FMNL3: variants seen among roughly 807,000 people sequenced by gnomAD.
FMNL3 encodes the protein formin-like protein 3.
A neutral mutation model predicts 119.6 loss-of-function variants in FMNL3; 57 were observed. The ratio of observed to expected loss-of-function variants is 0.48; its 90% CI spans 0.39 to 0.59. The LOEUF (loss-of-function observed/expected upper bound fraction) is 0.59, where lower values mean the gene tolerates loss of function less well. FMNL3 is among the 20% of genes least tolerant of loss of function. FMNL3 has a pLI of 0.00. For synonymous variants in FMNL3, 491 were observed against 507.3 expected, an observed-to-expected ratio of 0.97 and a Z score of 0.43; for missense variants, 1,053 against 1,323.5, an observed-to-expected ratio of 0.80 and a Z score of 3.17.
At chr12:49,700,638 C>A (rs1018075865) in intron 1 of FMNL3, among the ~76,000 whole-genome samples, 1 of 148,856 alleles carries the variant, frequency 6.7e-6, no homozygotes, top group Non-Finnish European at 1.5e-5. Flanking sequence ...TTGCTTGAAC[C>A]CAGGAAGCAG....
chr12:49,685,172 G>C (rs999510471), intron 1 of FMNL3, among the ~76,000 whole-genome samples: 1 of 152,188 alleles, frequency 6.6e-6, no homozygotes, highest in African/African-American at 2.4e-5. Context: ...TTTACCCTTG[G>C]TAAACGCCCC....
Position 49,649,158 on chromosome 12 carries a change from G to C in FMNL3, c.2386C>G (p.Leu796Val). The C allele has an allele frequency of 1.2e-6, 2 of 1,612,642 alleles. No individual in the cohort carries two copies. Among genetic ancestry groups the C allele is most frequent in the Non-Finnish European group, 1.7e-6 (2 of 1,179,240 alleles). ...YGFKLQSLDL[L>V]LDTKSTDRKM... ...CGGTCAGTGGACTTGGTATCCAGCA[G>C]CTAGGAGAGGGGGTGAGGGCGGTGC... Residue 796 changes from leucine (L) to valine (V), a missense_variant and splice_region_variant, in exon 21 of 26, where the codon CTG becomes GTG. Physicochemically the swap from Leu to Val is conservative, Grantham distance 32 (BLOSUM62 1). Transcript: ENST00000335154. This position sits in a 1 kb window ranked among gnomAD's most constrained non-coding sequence, Gnocchi z 5.6.
chr12:49,701,905 A>G (rs905229073), intron 1 of FMNL3, among the ~76,000 whole-genome samples: 2 of 152,222 alleles, frequency 1.3e-5, no homozygotes, highest in Non-Finnish European at 2.9e-5. Flanking sequence ...CCTGGGTGAC[A>G]GAGTAAGACT....
At position 49,638,166 on chromosome 12, in the gene FMNL3, G is replaced by C. The variant is rs752410278; in HGVS notation, c.*7649C>G. On this transcript the variant is annotated 3_prime_UTR_variant, in exon 26 of 26. Transcript: ENST00000335154. ...ACGGGGTACTAAGAGCAAAGGCAAG[G>C]GGGTGGAAAGGGCATGCCAGGTCTG... 8 of 231,182 alleles carry C rather than the reference G, an allele frequency of 3.5e-5. No individual in the cohort carries two copies. Among genetic ancestry groups the C allele is most frequent in the Non-Finnish European group, 5.1e-5 (6 of 117,512 alleles). The allele number at this position is 231,182 out of a possible 1,614,324, so 14.3% of individuals were successfully genotyped here. A position where few individuals can be genotyped will look rare whatever the true frequency, so the allele number is the denominator to read the frequency against.
At chr12:49,692,264 TG>T (rs1420253010) in intron 1 of FMNL3, among the ~76,000 whole-genome samples, 1 of 151,512 alleles carries the variant, frequency 6.6e-6, no homozygotes, top group Non-Finnish European at 1.5e-5. Context: ...TGATTGAGCC[TG>T]AGAAGTTGAG....
chr12:49,651,516 T>A, intron 14 of FMNL3, 66 bp from the exon 15 acceptor site: 8 of 1,207,546 alleles, frequency 6.6e-6, no homozygotes, highest in South Asian at 2.6e-5. Context: ...TTCCCTCCCC[T>A]CTGCCTGTCC....
chr12:49,664,676 G>T (rs1196843829), intron 4 of FMNL3, among the ~76,000 whole-genome samples: 2 of 152,152 alleles, frequency 1.3e-5, no homozygotes, highest in Non-Finnish European at 2.9e-5. Context: ...CACAGATGAG[G>T]TACAGAAGCC....
chr12:49,647,564 G>T lies in FMNL3; in HGVS notation c.2778+139C>A. The stretch of plus-strand genomic sequence containing the variant: ...CCTGCCCACCAGTTCACAGCTAAGA[G>T]GCCTGTCACCAGCTTGCATCGCTCC... On this transcript the variant is annotated intron_variant, in intron 23 of 25. Coordinates refer to ENST00000335154, the MANE Select transcript of FMNL3 (RefSeq NM_175736.5). The surrounding 1 kb of genome is among the most constrained non-coding windows in gnomAD (Gnocchi z 4.9). 1 of 904,364 alleles carries T rather than the reference G, an allele frequency of 1.1e-6. No individual in the cohort carries two copies. Among genetic ancestry groups the T allele is most frequent in the Non-Finnish European group, 1.7e-6 (1 of 578,496 alleles). 56.0% of individuals were successfully genotyped at this position (904,364 alleles called of 1,614,324 possible). A position where few individuals can be genotyped will look rare whatever the true frequency, so the allele number is the denominator to read the frequency against.
Position 49,637,835 on chromosome 12 carries a change from C to G in FMNL3, c.*7980G>C. The G allele has an allele frequency of 6.3e-7, 1 of 1,591,600 alleles. No individual in the cohort carries two copies. The highest frequency in any genetic ancestry group is 1.3e-5 in the African/African-American group (1 of 74,560). On this transcript the variant is annotated 3_prime_UTR_variant, in exon 26 of 26. Coordinates refer to ENST00000335154, the MANE Select transcript of FMNL3 (RefSeq NM_175736.5). ...AAGGACATCCTTAAGGTGAGGGAGG[C>G]TGGGGTTATGGATGGATACAGGATG...
rs1045167373 is a variant in FMNL3, at chr12:49,639,233, G to A, written c.*6582C>T. 6.6e-6 allele frequency: 1 copy of A among 152,212 alleles called. No homozygotes were observed. Among genetic ancestry groups the A allele is most frequent in the African/African-American group, 2.4e-5 (1 of 41,442 alleles). 9.4% of individuals were successfully genotyped at this position (152,212 alleles called of 1,614,324 possible). ...TTATGTCCTTAGGGAAGGTGGTGGT[G>A]CTAGGTAGAGCAGTTCTTGAAGCCT... On this transcript the variant is annotated 3_prime_UTR_variant, in exon 26 of 26. Coordinates refer to ENST00000335154, the MANE Select transcript of FMNL3 (RefSeq NM_175736.5).
In FMNL3 at chr12:49,647,253, C is replaced by A. The variant is rs1484515817; in HGVS notation, c.2871+23G>T. 1.2e-6 allele frequency: 2 copies of A among 1,613,346 alleles called. No homozygotes were observed. The highest frequency in any genetic ancestry group is 8.5e-7 in the Non-Finnish European group (1 of 1,179,436). ...CTCTTTTGCCTTGTCGTCCTCCAGG[C>A]CCCAGCTCTTGGTCCCACCCACCTT... On this transcript the variant is annotated intron_variant, in intron 24 of 25. Transcript: ENST00000335154. This position sits in a 1 kb window ranked among gnomAD's most constrained non-coding sequence, Gnocchi z 4.9.
chr12:49,658,242 T>C (rs777135265), intron 6 of FMNL3, among the ~76,000 whole-genome samples, 200 bp downstream of exon 6: 3 of 151,840 alleles, frequency 2.0e-5, no homozygotes, highest in Non-Finnish European at 2.9e-5. Context: ...GCTGAGACCA[T>C]GTACTTACCC....
rs147589180 is a variant in FMNL3, at chr12:49,637,786, T to C, written c.*8029A>G. On this transcript the variant is annotated 3_prime_UTR_variant, in exon 26 of 26. Coordinates refer to ENST00000335154, the MANE Select transcript of FMNL3 (RefSeq NM_175736.5). ...CTATGTGGAGGAGTTGAAGGCACGA[T>C]TCCATGATGAAAAGAAGATCATTAA... The C allele has an allele frequency of 2.5e-6, 4 of 1,607,908 alleles. No homozygotes were observed. Among genetic ancestry groups the C allele is most frequent in the Non-Finnish European group, 3.4e-6 (4 of 1,176,242 alleles).
chr12:49,652,748 TGGGG>T (rs1316982448), intron 13 of FMNL3, among the ~76,000 whole-genome samples: 1 of 152,114 alleles, frequency 6.6e-6, no homozygotes, highest in Admixed American at 6.5e-5. Context: ...GAAAGTAGGA[TGGGG>T]GCATGACTTT....
At chr12:49,658,635 T>C (rs1015948387) in intron 5 of FMNL3, 41 bp from the exon 6 acceptor site, 10 of 1,539,074 alleles carry the variant, frequency 6.5e-6, no homozygotes, top group Non-Finnish European at 8.8e-6. Flanking sequence ...CACAGGCACA[T>C]ACACAGGAGA....
In FMNL3 at chr12:49,647,908, G is replaced by A; in HGVS notation, c.2677-104C>T. On this transcript the variant is annotated intron_variant, in intron 22 of 25. Coordinates refer to ENST00000335154, the MANE Select transcript of FMNL3 (RefSeq NM_175736.5). This position sits in a 1 kb window ranked among gnomAD's most constrained non-coding sequence, Gnocchi z 4.9. Reference sequence around the variant, plus strand: ...AGAAAGCAGAGCCCAGGGCCAAAGGGAGGAAAACCAAGCACCCAGGCCCCT... The same window carrying A: ...AGAAAGCAGAGCCCAGGGCCAAAGGAAGGAAAACCAAGCACCCAGGCCCCT... 6.1e-6 allele frequency: 6 copies of A among 981,428 alleles called. No homozygotes were observed. Among genetic ancestry groups the A allele is most frequent in the Non-Finnish European group, 9.1e-6 (6 of 658,182 alleles). The allele number at this position is 981,428 out of a possible 1,614,324, so 60.8% of individuals were successfully genotyped here.
intron 1 of FMNL3, among the ~76,000 whole-genome samples, chr12:49,684,933 A>G (rs1049942805): frequency 2.6e-5 from 4 of 152,178 alleles, no homozygotes; most frequent in African/African-American, 9.7e-5. Flanking sequence ...GCCCAAGCAT[A>G]CTCTGGACAC....
Position 49,665,761 on chromosome 12 carries a change from A to C in FMNL3, c.368+71T>G, listed in dbSNP as rs1431021213. Reference sequence around the variant, plus strand: ...TGAACAGGAACACCATCCTCAGAGGACACCAGACCCTGTGTGCCCAGCCAG... The same window carrying C: ...TGAACAGGAACACCATCCTCAGAGGCCACCAGACCCTGTGTGCCCAGCCAG... On this transcript the variant is annotated intron_variant, in intron 4 of 25. Coordinates refer to ENST00000335154, the MANE Select transcript of FMNL3 (RefSeq NM_175736.5). The C allele has an allele frequency of 2.1e-5, 31 of 1,473,542 alleles. 1 individual carries two copies. The highest frequency in any genetic ancestry group is 2.9e-5 in the Non-Finnish European group (31 of 1,052,256). 91.3% of individuals were successfully genotyped at this position (1,473,542 alleles called of 1,614,324 possible). A position where few individuals can be genotyped will look rare whatever the true frequency, so the allele number is the denominator to read the frequency against.
At chr12:49,646,160 G>A (rs1210985023) in intron 25 of FMNL3, among the ~76,000 whole-genome samples, 1 of 152,154 alleles carries the variant, frequency 6.6e-6, no homozygotes, top group Non-Finnish European at 1.5e-5. Context: ...GATGCATTCA[G>A]AAAGAGCCAG....
Sources: allele counts gnomAD v4.1 joint callset (sites outside exome capture counted in the v4.1 genomes callset), GRCh38; gene constraint gnomAD v4.1.1; non-coding constraint Gnocchi (gnomAD v3.1); transcripts MANE v1.5; gene names NCBI Gene and HGNC (gene_info 2026-07-23, HGNC 2026-07-21).